ASAP2: variants seen among roughly 807,000 people sequenced by gnomAD.
ASAP2 encodes ArfGAP with SH3 domain, ankyrin repeat and PH domain 2, also known as arf-GAP with SH3 domain, ANK repeat and PH domain-containing protein 2.
Under a neutral mutation model 131.4 loss-of-function variants are expected in ASAP2, and 45 were observed. The observed-to-expected ratio is 0.34, with a 90% CI of 0.27 to 0.44. The LOEUF is 0.44. Among genes scored for constraint, ASAP2 ranks in the 20% least tolerant of loss-of-function variants. The pLI is 1.00. For missense variants in ASAP2, 1,011 were observed against 1,297.0 expected (o/e 0.78, Z 3.39); for synonymous variants, 510 against 503.0 (o/e 1.01, Z -0.19).
intron 3 of ASAP2, among the ~76,000 whole-genome samples, chr2:9,309,273 G>T (rs141513917): frequency 1.3e-5 from 2 of 152,190 alleles, no homozygotes; most frequent in African/African-American, 2.4e-5. Flanking sequence ...CCATATGATG[G>T]AACAGTGCTG....
At chr2:9,333,631 G>T (rs534819952) in intron 7 of ASAP2, among the ~76,000 whole-genome samples, 1 of 152,138 alleles carries the variant, frequency 6.6e-6, no homozygotes, top group African/African-American at 2.4e-5. Context: ...AGAAAAGGCC[G>T]GTATGTCTGG....
chr2:9,399,742 T>G (rs1572643087), intron 24 of ASAP2: 1 of 496,150 alleles, frequency 2.0e-6, no homozygotes, highest in South Asian at 2.3e-5. Flanking sequence ...CAGTGGCCAG[T>G]GCCCAGCATC....
At chr2:9,218,483 A>G (rs16866964) in intron 1 of ASAP2, among the ~76,000 whole-genome samples, 7,698 of 152,242 alleles carry the variant, frequency 0.051, 527 homozygotes, top group African/African-American at 0.15. Flanking sequence ...GCTGCCACTG[A>G]AGGGTGAATC....
intron 2 of ASAP2, among the ~76,000 whole-genome samples, chr2:9,285,695 A>G (rs989989074): frequency 1.1e-4 from 16 of 152,244 alleles, no homozygotes; most frequent in Non-Finnish European, 2.1e-4. Flanking sequence ...TTGACATATC[A>G]GTGGGTGGAA....
chr2:9,360,573 G>A (rs1040804179), intron 15 of ASAP2, among the ~76,000 whole-genome samples: 6 of 152,074 alleles, frequency 3.9e-5, no homozygotes, highest in Admixed American at 1.3e-4. Context: ...AAAGAACCCT[G>A]GTTTGCAACC....
chr2:9,386,932 C>CG (rs1675300578), intron 21 of ASAP2, among the ~76,000 whole-genome samples: 1 of 152,164 alleles, frequency 6.6e-6, no homozygotes, highest in Non-Finnish European at 1.5e-5. Context: ...CGGCCGAGCG[C>CG]GGGGGCTCAC....
chr2:9,210,472 G>A (rs1398196090), intron 1 of ASAP2, among the ~76,000 whole-genome samples: 2 of 152,122 alleles, frequency 1.3e-5, no homozygotes, highest in Non-Finnish European at 1.5e-5. Flanking sequence ...GTGAGGATGG[G>A]ATTTACATGG....
intron 1 of ASAP2, among the ~76,000 whole-genome samples, chr2:9,270,482 G>A (rs77492666): frequency 0.027 from 4,111 of 152,062 alleles, 191 homozygotes; most frequent in African/African-American, 0.094. Context: ...GGGTACATGG[G>A]ATATTTTGAT....
At chr2:9,214,140 G>A (rs536248390) in intron 1 of ASAP2, among the ~76,000 whole-genome samples, 7 of 152,326 alleles carry the variant, frequency 4.6e-5, no homozygotes, top group South Asian at 4.1e-4. Flanking sequence ...GTGACGTTCC[G>A]TGATATGAAC....
At chr2:9,323,087 AG>A in intron 5 of ASAP2, 33 bp from the exon 6 acceptor site, 1 of 1,613,432 alleles carries the variant, frequency 6.2e-7, no homozygotes, top group Non-Finnish European at 8.5e-7. Context: ...CTGTGCCAAC[AG>A]GCATCTTGAT....
intron 1 of ASAP2, among the ~76,000 whole-genome samples, chr2:9,226,996 G>A (rs1427514020): frequency 6.6e-6 from 1 of 152,124 alleles, no homozygotes; most frequent in Non-Finnish European, 1.5e-5. Context: ...GAAGGGTAAG[G>A]GAGCTCAGAT....
intron 3 of ASAP2, among the ~76,000 whole-genome samples, chr2:9,304,163 C>T (rs1668675118): frequency 6.6e-6 from 1 of 151,980 alleles, no homozygotes; most frequent in African/African-American, 2.4e-5. Context: ...AGGGGCACTG[C>T]AGTATGGCAC....
chr2:9,210,009 T>C (rs1186663262), intron 1 of ASAP2, among the ~76,000 whole-genome samples: 1 of 152,254 alleles, frequency 6.6e-6, no homozygotes, highest in Non-Finnish European at 1.5e-5. Flanking sequence ...ATAGTAACTG[T>C]TGGGCCCTTA....
intron 1 of ASAP2, among the ~76,000 whole-genome samples, chr2:9,278,269 T>G (rs888247431): frequency 1.3e-5 from 2 of 152,054 alleles, no homozygotes; most frequent in African/African-American, 4.8e-5. Context: ...ACCCAGCATG[T>G]TGGGAGGTTG....
rs1333498291 is a variant in ASAP2, at chr2:9,217,805, G to T, written c.126+10575G>T. On this transcript the variant is annotated intron_variant, in intron 1 of 27. Coordinates refer to ENST00000281419, the MANE Select transcript of ASAP2 (RefSeq NM_003887.3). This position sits in a 1 kb window ranked among gnomAD's most constrained non-coding sequence, Gnocchi z 4.0. ...AATTTTTGGTATTTTTAGTAGAGAC[G>T]GGGTTTCACTGTGTTAGCCAGGATG... Among the ~76,000 whole-genome samples, 1 of 151,746 alleles carries T rather than the reference G, an allele frequency of 6.6e-6. No individual in the cohort carries two copies. Among genetic ancestry groups the T allele is most frequent in the Non-Finnish European group, 1.5e-5 (1 of 67,952 alleles).
At chr2:9,280,431 G>A (rs1468330683) in intron 2 of ASAP2, among the ~76,000 whole-genome samples, 3 of 151,878 alleles carry the variant, frequency 2.0e-5, no homozygotes, top group African/African-American at 4.8e-5. Context: ...CATGAGAGCT[G>A]TGCAAGCCAC....
At chr2:9,310,130 CAGA>C (rs914239447) in intron 3 of ASAP2, among the ~76,000 whole-genome samples, 1 of 152,232 alleles carries the variant, frequency 6.6e-6, no homozygotes, top group Admixed American at 6.5e-5. Context: ...TTGGCCTGTG[CAGA>C]AGGTGAATAG....
intron 27 of ASAP2, among the ~76,000 whole-genome samples, chr2:9,402,047 G>T (rs1042833555): frequency 6.6e-6 from 1 of 152,226 alleles, no homozygotes; most frequent in African/African-American, 2.4e-5. Context: ...AAAGCCCCAG[G>T]CTGAGCCCAC....
Position 9,380,760 on chromosome 2 carries a change from TC to T in ASAP2, c.1970del (p.Pro657ArgfsTer17). 6.2e-7 allele frequency: 1 copy of T among 1,614,166 alleles called. No individual in the cohort carries two copies. The highest frequency in any genetic ancestry group is 8.5e-7 in the Non-Finnish European group (1 of 1,180,020). ...IEIANESGET[P>X]LDIAKRLKHE... ...TTTTAGCAAACGAGTCAGGAGAGAC[TC>T]CGCTGGACATTGCCAAGCGCCTCAA... On this transcript the variant is annotated frameshift_variant, in exon 20 of 28. Transcript: ENST00000281419. LOFTEE classifies it high-confidence loss of function.
Sources: gnomAD v4.1 joint callset for allele counts (sites outside exome capture counted in the v4.1 genomes callset) on GRCh38, gnomAD v4.1.1 for gene constraint, Gnocchi (gnomAD v3.1) non-coding constraint, MANE v1.5 for transcripts, NCBI Gene and HGNC (gene_info 2026-07-23, HGNC 2026-07-21) for gene names.